STXBP5L: variants seen among roughly 807,000 people sequenced by gnomAD.
STXBP5L encodes syntaxin binding protein 5L, also known as syntaxin-binding protein 5-like.
STXBP5L carries 65 observed loss-of-function variants against 144.5 expected under a neutral mutation model. The ratio of observed to expected loss-of-function variants is 0.45; its 90% CI spans 0.37 to 0.55. The LOEUF (loss-of-function observed/expected upper bound fraction) is 0.55, where lower values mean the gene tolerates loss of function less well. Among genes scored for constraint, STXBP5L ranks in the 20% least tolerant of loss-of-function variants. STXBP5L has a pLI of 0.00. For missense variants in STXBP5L, 1,298 were observed against 1,405.5 expected (o/e 0.92, Z 1.22); for synonymous variants, 505 against 469.6 (o/e 1.08, Z -0.97).
At chr3:120,970,053 T>G (rs1940060839) in intron 3 of STXBP5L, among the ~76,000 whole-genome samples, 1 of 152,104 alleles carries the variant, frequency 6.6e-6, no homozygotes, top group Non-Finnish European at 1.5e-5. Context: ...AAGAAAAGTA[T>G]TATAAGAAAA....
intron 3 of STXBP5L, among the ~76,000 whole-genome samples, chr3:121,015,109 A>G (rs1048719877): frequency 1.3e-5 from 2 of 152,112 alleles, no homozygotes; most frequent in African/African-American, 4.8e-5. Context: ...ATTCAATCCA[A>G]TCCTAATCAT....
At chr3:121,210,454 T>A (rs9836406) in intron 10 of STXBP5L, among the ~76,000 whole-genome samples, 15,085 of 152,178 alleles carry the variant, frequency 0.099, 1,178 homozygotes, top group Admixed American at 0.2. Context: ...ATTTGTCAGT[T>A]TTGGCTTTTG....
At chr3:121,268,000 C>A (rs574978257) in intron 18 of STXBP5L, among the ~76,000 whole-genome samples, 1 of 152,220 alleles carries the variant, frequency 6.6e-6, no homozygotes, top group Non-Finnish European at 1.5e-5. Context: ...ACAGTTGTGG[C>A]GATTCCTCAA....
At position 121,045,496 on chromosome 3, in the gene STXBP5L, G is replaced by C. The variant is rs754894291; in HGVS notation, c.431G>C (p.Arg144Thr). 43 of 1,613,052 alleles carry C rather than the reference G, an allele frequency of 2.7e-5. No homozygotes were observed. Among genetic ancestry groups the C allele is most frequent in the Non-Finnish European group, 3.6e-5 (42 of 1,179,462 alleles). The change falls in exon 5 of 27, where the codon AGG becomes ACG. Residue 144 changes from arginine to threonine, a missense_variant. Physicochemically the swap from Arg to Thr is moderately conservative, Grantham distance 71. Transcript: ENST00000471454. ...TLHLWNLRQKRPAILHSLKFN... is the reference protein window; with the variant it reads ...TLHLWNLRQKTPAILHSLKFN... ...CATTTGTGGAACCTTAGACAAAAAA[G>C]GCCAGCCATACTCCATTCTCTTAAA... is the stretch of plus-strand genomic sequence containing the variant.
intron 16 of STXBP5L, among the ~76,000 whole-genome samples, chr3:121,256,825 A>G (rs189447656): frequency 2.8e-4 from 43 of 151,598 alleles, no homozygotes; most frequent in African/African-American, 1.0e-3. Flanking sequence ...AAATTGTAAT[A>G]TATAAATTGT....
intron 5 of STXBP5L, among the ~76,000 whole-genome samples, chr3:121,079,228 A>C (rs1560100944): frequency 6.6e-6 from 1 of 152,276 alleles, no homozygotes; most frequent in Non-Finnish European, 1.5e-5. Flanking sequence ...ACTTTTAAAC[A>C]TCTTAAGGTG....
At chr3:121,224,925 G>C (rs1559883217) in intron 11 of STXBP5L, among the ~76,000 whole-genome samples, 1 of 152,114 alleles carries the variant, frequency 6.6e-6, no homozygotes, top group Admixed American at 6.6e-5. Flanking sequence ...TGTGTGGTCT[G>C]TGTGTATATA....
chr3:121,031,339 C>A (rs954957965), intron 3 of STXBP5L, among the ~76,000 whole-genome samples: 19 of 151,952 alleles, frequency 1.3e-4, no homozygotes, highest in Non-Finnish European at 2.5e-4. Context: ...ATCCTATTGG[C>A]AACCAATAGG....
intron 2 of STXBP5L, among the ~76,000 whole-genome samples, chr3:120,940,039 T>A (rs2107648774): frequency 6.6e-6 from 1 of 152,274 alleles, no homozygotes; most frequent in Non-Finnish European, 1.5e-5. Context: ...GATTTTCATT[T>A]TTTTTAAAAG....
intron 3 of STXBP5L, among the ~76,000 whole-genome samples, chr3:121,011,293 T>C (rs1445951176): frequency 6.6e-6 from 1 of 151,502 alleles, no homozygotes. Context: ...TTATATGCTA[T>C]ACTCTCCCCA....
rs905195844 is a variant in STXBP5L at position 121,196,617 on chromosome 3, T to C, written c.878-9306T>C. Among the ~76,000 whole-genome samples, 8 of 152,146 alleles carry C rather than the reference T, an allele frequency of 5.3e-5. No individual in the cohort carries two copies. The South Asian group carries it at 1.7e-3, about 31-fold the overall frequency. Reference sequence around the variant, plus strand: ...CAGTTTAGTTTTTTTTATTTTTCTATATTTTAATGTGAATGGTGAGGATAT... The same window carrying C: ...CAGTTTAGTTTTTTTTATTTTTCTACATTTTAATGTGAATGGTGAGGATAT... On this transcript the variant is annotated intron_variant, in intron 9 of 26. Coordinates refer to ENST00000471454, the MANE Select transcript of STXBP5L (RefSeq NM_001308330.2).
At chr3:121,229,813 C>A (rs2049244346) in intron 11 of STXBP5L, among the ~76,000 whole-genome samples, 1 of 152,142 alleles carries the variant, frequency 6.6e-6, no homozygotes, top group Admixed American at 6.6e-5. Context: ...CTTAGCTTCC[C>A]AAAGTGCTGA....
chr3:121,161,506 C>T (rs2046321212), intron 9 of STXBP5L, among the ~76,000 whole-genome samples: 1 of 151,722 alleles, frequency 6.6e-6, no homozygotes. Flanking sequence ...TATGTCTAGG[C>T]TTGGTTTCTT....
intron 5 of STXBP5L, among the ~76,000 whole-genome samples, chr3:121,059,612 G>A (rs1012357544): frequency 6.6e-6 from 1 of 152,166 alleles, no homozygotes; most frequent in Non-Finnish European, 1.5e-5. Context: ...CATGAGCATG[G>A]AATGTTTTTC....
At position 121,424,189 on chromosome 3, in the gene STXBP5L, T is replaced by C. The variant is rs932940443; in HGVS notation, c.*5092T>C. On this transcript the variant is annotated 3_prime_UTR_variant, in exon 27 of 27. Coordinates refer to ENST00000471454, the MANE Select transcript of STXBP5L (RefSeq NM_001308330.2). ...CTGTTCTGCTGTAGGTATATTTCAC[T>C]GGACTTGGTCTTAGCAAAAAGGAAG... 11 of 152,234 alleles carry C rather than the reference T, an allele frequency of 7.2e-5. No individual in the cohort carries two copies. The highest frequency in any genetic ancestry group is 7.2e-4 in the Admixed American group (11 of 15,284). The allele number at this position is 152,234 out of a possible 1,614,324, so 9.4% of individuals were successfully genotyped here.
chr3:120,922,645 C>A (rs1256351692), intron 2 of STXBP5L, among the ~76,000 whole-genome samples: 1 of 151,746 alleles, frequency 6.6e-6, no homozygotes, highest in Non-Finnish European at 1.5e-5. Flanking sequence ...TTTTTTCTAT[C>A]CAGTTTGCTG....
intron 3 of STXBP5L, among the ~76,000 whole-genome samples, chr3:120,987,446 C>A (rs1476433202): frequency 6.6e-6 from 1 of 151,584 alleles, no homozygotes; most frequent in Non-Finnish European, 1.5e-5. Context: ...ATTTTTTGCC[C>A]ATTTTATATT....
chr3:121,015,448 A>G (rs1945076080), intron 3 of STXBP5L, among the ~76,000 whole-genome samples: 1 of 152,206 alleles, frequency 6.6e-6, no homozygotes, highest in Admixed American at 6.5e-5. Flanking sequence ...AAATCCAGAT[A>G]ATCACAGATA....
At chr3:121,193,422 C>A (rs2047785755) in intron 9 of STXBP5L, among the ~76,000 whole-genome samples, 1 of 146,148 alleles carries the variant, frequency 6.8e-6, no homozygotes, top group African/African-American at 2.5e-5. Context: ...GGTGATTCCT[C>A]ATGGATCTAG....
Sources: allele counts gnomAD v4.1 joint callset (sites outside exome capture counted in the v4.1 genomes callset), GRCh38; gene constraint gnomAD v4.1.1; transcripts MANE v1.5; gene names NCBI Gene and HGNC (gene_info 2026-07-23, HGNC 2026-07-21).